The following IGF2R variants were observed in gnomAD, a reference collection of about 807,000 sequenced individuals.
The protein encoded by IGF2R is cation-independent mannose-6-phosphate receptor.
A neutral mutation model predicts 270.6 loss-of-function variants in IGF2R; 91 were observed. That is an observed-to-expected ratio of 0.34 (90% confidence interval 0.28 to 0.40). The LOEUF is 0.40. Among genes scored for constraint, IGF2R ranks in the 10% least tolerant of loss-of-function variants. The pLI is 1.00. For synonymous variants in IGF2R, 1,316 were observed against 1,258.9 expected (o/e 1.05, Z -0.96); for missense variants, 2,805 against 3,188.3 (o/e 0.88, Z 2.90).
chr6:159,975,820 C>G (rs9456489), intron 1 of IGF2R, among the ~76,000 whole-genome samples: 1 of 147,562 alleles, frequency 6.8e-6, no homozygotes, highest in Non-Finnish European at 1.5e-5. Context: ...TATATACACA[C>G]GCACATATAT....
intron 46 of IGF2R, among the ~76,000 whole-genome samples, chr6:160,103,393 C>T (rs958843184): frequency 2.6e-5 from 4 of 152,010 alleles, no homozygotes; most frequent in Admixed American, 6.5e-5. Flanking sequence ...AGGTCTGGGC[C>T]GGGAAGGGCA....
At chr6:160,062,168 ATT>A (rs34356477) in intron 25 of IGF2R, among the ~76,000 whole-genome samples, 2,639 of 106,484 alleles carry the variant, frequency 0.025, 51 homozygotes, top group African/African-American at 0.083. Flanking sequence ...CATTTATTTA[ATT>A]TTTTTTTTTT....
chr6:160,096,115 C>A (rs55740791), intron 44 of IGF2R: 1 of 201,596 alleles, frequency 5.0e-6, no homozygotes. Flanking sequence ...GTAGCTTTTC[C>A]CTTCTTTTGG....
rs894235451 is a variant in IGF2R at position 160,108,234 on chromosome 6, A to G, written c.*3150A>G. Reference sequence around the variant, plus strand: ...GAGCCATACTTGCTGTCAGTTCTGGACATTGTTCTGTGAGAATGGGGTCAA... The same window carrying G: ...GAGCCATACTTGCTGTCAGTTCTGGGCATTGTTCTGTGAGAATGGGGTCAA... On this transcript the variant is annotated 3_prime_UTR_variant, in exon 48 of 48. Transcript: ENST00000356956. The G allele has an allele frequency of 1.3e-5, 2 of 152,394 alleles. No homozygotes were observed. The highest frequency in any genetic ancestry group is 2.4e-5 in the African/African-American group (1 of 41,446). 9.4% of individuals were successfully genotyped at this position (152,394 alleles called of 1,614,324 possible). A position where few individuals can be genotyped will look rare whatever the true frequency, so the allele number is the denominator to read the frequency against.
chr6:160,098,577 G>A (rs771688003), intron 45 of IGF2R, among the ~76,000 whole-genome samples: 1 of 152,176 alleles, frequency 6.6e-6, no homozygotes, highest in East Asian at 1.9e-4. Context: ...CCAACATTTT[G>A]GGAGGCTAAG....
At position 160,072,853 on chromosome 6, in the gene IGF2R, T is replaced by C. The variant is rs752995134; in HGVS notation, c.4659T>C (p.Cys1553=). Residue 1553 remains cysteine (C), a synonymous_variant, in exon 33 of 48, where the codon TGT becomes TGC. Transcript: ENST00000356956. The stretch of plus-strand genomic sequence containing the variant: ...AGGGGTTGGTTTACATGAGCATCTG[T>C]GGGGAGAATGAAAACTGCCCTCCTG... ...SEKGLVYMSI[C]GENENCPPGV... is the part of the protein sequence containing the mutation. The C allele has an allele frequency of 3.1e-6, 5 of 1,614,020 alleles. No homozygotes were observed. The highest frequency in any genetic ancestry group is 1.3e-5 in the African/African-American group (1 of 75,044).
At chr6:160,073,044 T>C (rs974977974) in intron 33 of IGF2R, among the ~76,000 whole-genome samples, 160 bp downstream of exon 33, 1 of 152,222 alleles carries the variant, frequency 6.6e-6, no homozygotes, top group Admixed American at 6.5e-5. Flanking sequence ...CACATGGTCA[T>C]GTGATGGAAT....
At chr6:160,078,101 C>G (rs149607934) in intron 36 of IGF2R, 100 bp from the exon 37 acceptor site, 23 of 1,157,652 alleles carry the variant, frequency 2.0e-5, no homozygotes, top group Non-Finnish European at 2.9e-5. Flanking sequence ...TCTGAGAGGC[C>G]GCTGTGGGTT....
Position 160,048,442 on chromosome 6 carries a change from A to G in IGF2R, c.2413A>G (p.Thr805Ala). 3 of 1,614,260 alleles carry G rather than the reference A, an allele frequency of 1.9e-6. No individual in the cohort carries two copies. The highest frequency in any genetic ancestry group is 1.3e-5 in the African/African-American group (1 of 75,082). ...YAMDNSGEHV[T>A]WRKYYINVCR... ...CATGGACAACTCAGGGGAACATGTCACGTGGAGGAAATACTACATTAACGT... is the reference window on the plus strand; with the variant it reads ...CATGGACAACTCAGGGGAACATGTCGCGTGGAGGAAATACTACATTAACGT... Residue 805 changes from threonine to alanine, a missense_variant, in exon 18 of 48, where the codon ACG becomes GCG. Thr to Ala is a moderately conservative substitution (Grantham distance 58). Transcript: ENST00000356956.
At chr6:159,970,037 C>T (rs1212994029) in intron 1 of IGF2R, among the ~76,000 whole-genome samples, 1 of 152,118 alleles carries the variant, frequency 6.6e-6, no homozygotes, top group Admixed American at 6.5e-5. Context: ...AGACTTGACC[C>T]TTCACTTCTC....
At chr6:160,021,018 C>T (rs1383783532) in intron 4 of IGF2R, among the ~76,000 whole-genome samples, 1 of 152,128 alleles carries the variant, frequency 6.6e-6, no homozygotes, top group Non-Finnish European at 1.5e-5. Context: ...AGACAACATA[C>T]AAAATGGCCA....
At chr6:160,093,158 C>G (rs1016104828) in intron 44 of IGF2R, 1 of 161,138 alleles carries the variant, frequency 6.2e-6, no homozygotes, top group East Asian at 1.8e-4. Context: ...TGTTGTGTTC[C>G]CAGCACCCAC....
At chr6:160,027,506 A>G (rs1306265554) in intron 6 of IGF2R, among the ~76,000 whole-genome samples, 192 bp downstream of exon 6, 2 of 152,196 alleles carry the variant, frequency 1.3e-5, no homozygotes, top group South Asian at 2.1e-4. Context: ...CTACTTTTTA[A>G]TCATTTGTCT....
At chr6:159,991,154 C>A in intron 1 of IGF2R, 30 bp from the exon 2 acceptor site, 1 of 1,580,456 alleles carries the variant, frequency 6.3e-7, no homozygotes, top group African/African-American at 1.4e-5. Context: ...AAATCAGTGA[C>A]ATTGACAAGT....
chr6:160,079,167 G>A (rs1234386592), intron 37 of IGF2R, among the ~76,000 whole-genome samples: 1 of 152,192 alleles, frequency 6.6e-6, no homozygotes, highest in Non-Finnish European at 1.5e-5. Context: ...CGCTGGGTGG[G>A]CCAGGAGAGT....
rs116755569 is a variant in IGF2R, at chr6:160,040,016, A to T, written c.1316-544A>T. Among the ~76,000 whole-genome samples, 43 of 152,326 alleles carry T rather than the reference A, an allele frequency of 2.8e-4. No individual in the cohort carries two copies. The South Asian group carries it at 8.7e-3, about 31-fold the overall frequency. ...GTGCTGCTAACATTGTGGGGCTGGC[A>T]TAGGACCTTGGCGTGCTTCACTGGG... On this transcript the variant is annotated intron_variant, in intron 10 of 47. Coordinates refer to ENST00000356956, the MANE Select transcript of IGF2R (RefSeq NM_000876.4).
rs770179855 is a variant in IGF2R at position 159,995,779 on chromosome 6, T to C, written c.289+4456T>C. Among the ~76,000 whole-genome samples, 4 of 152,266 alleles carry C rather than the reference T, an allele frequency of 2.6e-5. No individual in the cohort carries two copies. In the South Asian group the frequency reaches 6.2e-4, roughly 24 times the overall value. ...TTTTTTGACTTTCTCTTGGATCTTA[T>C]TGCGCTTCTTTAAAATCAATATTTT... On this transcript the variant is annotated intron_variant, in intron 2 of 47. Transcript: ENST00000356956.
intron 44 of IGF2R, chr6:160,095,599 G>C (rs1318917205): frequency 6.6e-6 from 1 of 152,184 alleles, no homozygotes; most frequent in African/African-American, 2.4e-5. Context: ...TCCTTGTGTA[G>C]ACCACTGCTA....
intron 44 of IGF2R, among the ~76,000 whole-genome samples, chr6:160,090,662 A>G (rs1168884406): frequency 6.6e-6 from 1 of 152,246 alleles, no homozygotes; most frequent in Non-Finnish European, 1.5e-5. Flanking sequence ...TTGAACAGCT[A>G]GTCTTAACTA....
Sources: gnomAD v4.1 joint callset for allele counts (sites outside exome capture counted in the v4.1 genomes callset) on GRCh38, gnomAD v4.1.1 for gene constraint, MANE v1.5 for transcripts, NCBI Gene and HGNC (gene_info 2026-07-23, HGNC 2026-07-21) for gene names.